ORMDL1: variants seen among roughly 807,000 people sequenced by gnomAD.
ORMDL1 encodes the protein ORM1-like protein 1.
In ORMDL1, 10 loss-of-function variants were observed where a neutral mutation model predicts 13.0. The observed-to-expected ratio is 0.77, with a 90% CI of 0.47 to 1.30. The LOEUF (loss-of-function observed/expected upper bound fraction) is 1.30, where lower values mean the gene tolerates loss of function less well. ORMDL1 is among the 50% of genes most tolerant of loss of function. The pLI, the probability that ORMDL1 is intolerant of heterozygous loss-of-function variation, is 0.00. For synonymous variants in ORMDL1, 61 were observed against 63.9 expected (o/e 0.95, Z 0.22); for missense variants, 171 against 186.7 (o/e 0.92, Z 0.49).
intron 4 of ORMDL1, among the ~76,000 whole-genome samples, chr2:189,772,181 C>G (rs143356705): frequency 1.5e-4 from 23 of 152,272 alleles, no homozygotes; most frequent in African/African-American, 4.3e-4. Flanking sequence ...GCTTATCAAA[C>G]TAGGGTTCAT....
chr2:189,767,387 C>A (rs549321591), downstream of ORMDL1, among the ~76,000 whole-genome samples: 11 of 152,186 alleles, frequency 7.2e-5, no homozygotes, highest in East Asian at 2.1e-3. Flanking sequence ...TCGCTGTTCC[C>A]CCTGTAAAAA....
the ORMDL1 span, chr2:189,764,819 A>G: frequency 3.3e-5 from 5 of 151,950 alleles, no homozygotes; most frequent in African/African-American, 9.7e-5. Flanking sequence ...CATATTATAT[A>G]TTAAAACATA....
chr2:189,766,518 A>G (rs1242009900), downstream of ORMDL1, among the ~76,000 whole-genome samples: 5 of 152,148 alleles, frequency 3.3e-5, no homozygotes, highest in Admixed American at 2.6e-4. Flanking sequence ...ACCTGGAGTC[A>G]GGAGTTCGAG....
the ORMDL1 span, chr2:189,764,583 T>C: frequency 1.3e-5 from 2 of 152,206 alleles, no homozygotes; most frequent in Non-Finnish European, 2.9e-5. Flanking sequence ...TATTGTAACA[T>C]AGGAGAGGGT....
intron 2 of ORMDL1, 117 bp from the exon 3 acceptor site, chr2:189,782,719 T>C (rs2047892812): frequency 2.3e-6 from 2 of 886,796 alleles, no homozygotes; most frequent in Non-Finnish European, 3.5e-6. Flanking sequence ...TACTTTGAAG[T>C]AGCACACAAA....
At chr2:189,776,409 T>C (rs936793817) in intron 3 of ORMDL1, among the ~76,000 whole-genome samples, 27 of 152,262 alleles carry the variant, frequency 1.8e-4, no homozygotes, top group African/African-American at 5.8e-4. Context: ...TTTTTATCAA[T>C]AGGGTAGAAA....
At chr2:189,764,222 TTA>T in the ORMDL1 span, 2 of 152,188 alleles carry the variant, frequency 1.3e-5, no homozygotes, top group Admixed American at 6.5e-5. Context: ...AGTCATACGG[TTA>T]GAGAGGTCAG....
In ORMDL1 at chr2:189,782,566, C is replaced by G; in HGVS notation, c.30G>C (p.Val10=). 1 of 1,614,152 alleles carries G rather than the reference C, an allele frequency of 6.2e-7. No homozygotes were observed. ...TGTTCATGACACGGGTATTTGGATT[C>G]ACTTCACTGTGGGCAACTCCAACGT... MNVGVAHSE[V]NPNTRVMNSR... Residue 10 remains valine (V), a synonymous_variant, in exon 3 of 5, where the codon GTG becomes GTC. Coordinates refer to ENST00000392349, the MANE Select transcript of ORMDL1 (RefSeq NM_016467.5).
chr2:189,775,349 G>A (rs755615028), intron 4 of ORMDL1: 1 of 463,888 alleles, frequency 2.2e-6, no homozygotes, highest in Non-Finnish European at 3.8e-6. Flanking sequence ...GCACTGATTA[G>A]CATGTAATAT....
intron 1 of ORMDL1, among the ~76,000 whole-genome samples, chr2:189,783,915 T>A (rs1162419769): frequency 6.6e-6 from 1 of 152,090 alleles, no homozygotes; most frequent in Non-Finnish European, 1.5e-5. Flanking sequence ...CGCCGGTGCC[T>A]CCGAAGACGG....
chr2:189,778,429 A>G (rs1290292095), intron 3 of ORMDL1: 1 of 456,030 alleles, frequency 2.2e-6, no homozygotes, highest in Admixed American at 2.4e-5. Flanking sequence ...GCAAACATTT[A>G]AATACGTTCT....
At chr2:189,766,886 T>TATC (rs144670914), downstream of ORMDL1, among the ~76,000 whole-genome samples, 1,581 of 152,366 alleles carry the variant, frequency 0.01, 35 homozygotes, top group African/African-American at 0.036. Context: ...TTATTTCACC[T>TATC]ATCATAAAGT....
intron 3 of ORMDL1, among the ~76,000 whole-genome samples, chr2:189,776,067 CAGG>C (rs1357251969): frequency 3.3e-5 from 5 of 152,100 alleles, no homozygotes; most frequent in Non-Finnish European, 7.4e-5. Context: ...CCCCAATGTA[CAGG>C]AGGTTTTTCT....
At position 189,771,890 on chromosome 2, in the gene ORMDL1, T is replaced by G; in HGVS notation, c.339A>C (p.Ala113=). Residue 113 remains alanine, a synonymous_variant, in exon 5 of 5, where the codon GCA becomes GCC. Coordinates refer to ENST00000392349, the MANE Select transcript of ORMDL1 (RefSeq NM_016467.5). ...TISPIILYFL[A]SFYTKYDPTH... ...TTGGATCATACTTCGTATAGAAACTTGCCAGAAAATATCTGTAGAGATAAA... is the reference window on the plus strand; with the variant it reads ...TTGGATCATACTTCGTATAGAAACTGGCCAGAAAATATCTGTAGAGATAAA... 1 of 1,591,758 alleles carries G rather than the reference T, an allele frequency of 6.3e-7. No individual in the cohort carries two copies. The highest frequency in any genetic ancestry group is 1.1e-5 in the South Asian group (1 of 87,792).
chr2:189,776,242 A>G (rs1472928060), intron 3 of ORMDL1, among the ~76,000 whole-genome samples: 2 of 152,212 alleles, frequency 1.3e-5, no homozygotes, highest in Non-Finnish European at 2.9e-5. Context: ...AGCAATAAAA[A>G]TAGTTTGATA....
intron 1 of ORMDL1, chr2:189,783,952 TC>T: frequency 6.6e-6 from 1 of 151,360 alleles, no homozygotes; most frequent in Non-Finnish European, 1.5e-5. Flanking sequence ...CTCAGGGGAG[TC>T]CCCCCTGCTA....
intron 3 of ORMDL1, among the ~76,000 whole-genome samples, chr2:189,781,945 CT>C (rs11288908): frequency 0.92 from 126,433 of 136,750 alleles, 58,740 homozygotes; most frequent in East Asian, 0.99. Context: ...ATCTTAGACA[CT>C]TTTTTTTTTT....
rs765498033 is a variant in ORMDL1 at position 189,782,534 on chromosome 2, C to T, written c.62G>A (p.Gly21Asp). 2 of 1,614,076 alleles carry T rather than the reference C, an allele frequency of 1.2e-6. No individual in the cohort carries two copies. The highest frequency in any genetic ancestry group is 1.7e-6 in the Non-Finnish European group (2 of 1,180,032). ...TCCCAATGCATATGTCAGCCACATA[C>T]CCCGGCTGTTCATGACACGGGTATT... Reference protein sequence around the residue: ...NPNTRVMNSRGMWLTYALGVG... With the variant: ...NPNTRVMNSRDMWLTYALGVG... The change falls in exon 3 of 5, where the codon GGT becomes GAT. Residue 21 changes from glycine to aspartate, a missense_variant. Coordinates refer to ENST00000392349, the MANE Select transcript of ORMDL1 (RefSeq NM_016467.5).
chr2:189,779,607 T>C (rs1413444426), intron 3 of ORMDL1, among the ~76,000 whole-genome samples: 1 of 152,202 alleles, frequency 6.6e-6, no homozygotes, highest in African/African-American at 2.4e-5. Flanking sequence ...CACAAGAAAC[T>C]TGGATTTTAC....
Sources: allele counts gnomAD v4.1 joint callset (sites outside exome capture counted in the v4.1 genomes callset), GRCh38; gene constraint gnomAD v4.1.1; transcripts MANE v1.5; gene names NCBI Gene and HGNC (gene_info 2026-07-23, HGNC 2026-07-21).